EBF1: variants seen among roughly 807,000 people sequenced by gnomAD.
The protein encoded by EBF1 is EBF transcription factor 1, also known as transcription factor COE1.
EBF1 carries 10 observed loss-of-function variants against 68.4 expected under a neutral mutation model. That is an observed-to-expected ratio of 0.15 (90% CI 0.09 to 0.25). The LOEUF (loss-of-function observed/expected upper bound fraction) is 0.25, where lower values mean the gene tolerates loss of function less well. Ranked by LOEUF, EBF1 falls within the 10% of genes least tolerant of loss-of-function variation. The pLI, the probability that EBF1 is intolerant of heterozygous loss-of-function variation, is 1.00. For synonymous variants in EBF1, 298 were observed against 299.8 expected (o/e 0.99, Z 0.06); for missense variants, 509 against 794.4 (o/e 0.64, Z 4.32).
intron 7 of EBF1, among the ~76,000 whole-genome samples, chr5:158,831,754 G>A (rs1417606748): frequency 3.3e-5 from 5 of 152,080 alleles, no homozygotes; most frequent in African/African-American, 9.7e-5. Flanking sequence ...CACCTGCCTC[G>A]TACTCCCAAA....
intron 6 of EBF1, among the ~76,000 whole-genome samples, chr5:158,934,089 T>A (rs1811463104): frequency 6.6e-6 from 1 of 152,200 alleles, no homozygotes; most frequent in Non-Finnish European, 1.5e-5. Flanking sequence ...ACCATGCCCA[T>A]TACACACAGG....
chr5:158,862,920 C>A (rs1795214534), intron 6 of EBF1, among the ~76,000 whole-genome samples: 1 of 152,184 alleles, frequency 6.6e-6, no homozygotes, highest in Non-Finnish European at 1.5e-5. Flanking sequence ...CGATTGAATT[C>A]TACAGACCCT....
intron 6 of EBF1, among the ~76,000 whole-genome samples, chr5:158,932,849 A>G (rs1811178117): frequency 6.6e-6 from 1 of 152,220 alleles, no homozygotes; most frequent in Non-Finnish European, 1.5e-5. Context: ...CAGTTTGTAT[A>G]AAGTTGCCTG....
intron 1 of EBF1, chr5:159,097,734 A>T (rs1302395066): frequency 4.3e-6 from 1 of 233,396 alleles, no homozygotes; most frequent in Non-Finnish European, 8.5e-6. Flanking sequence ...GTCGCTGTGA[A>T]AAAGGGAAGA....
rs574104675 is a variant in EBF1 at position 158,714,244 on chromosome 5, A to G, written c.1126-62T>C. On this transcript the variant is annotated intron_variant, in intron 11 of 15. Transcript: ENST00000313708. ...AGGCAGGTTGTCGTTATCTTTTGACATGATCACATTCCAGTCCCTCTGGCC... is the reference window on the plus strand; with the variant it reads ...AGGCAGGTTGTCGTTATCTTTTGACGTGATCACATTCCAGTCCCTCTGGCC... 9 of 1,580,954 alleles carry G rather than the reference A, an allele frequency of 5.7e-6. No homozygotes were observed. In the African/African-American group the frequency reaches 1.1e-4, roughly 19 times the overall value.
At chr5:159,027,795 C>A (rs1419004556) in intron 6 of EBF1, among the ~76,000 whole-genome samples, 1 of 152,156 alleles carries the variant, frequency 6.6e-6, no homozygotes, top group Non-Finnish European at 1.5e-5. Flanking sequence ...TCCAGCCTTC[C>A]AACAACTGTC....
chr5:158,953,226 T>A (rs1816412529), intron 6 of EBF1, among the ~76,000 whole-genome samples: 1 of 152,230 alleles, frequency 6.6e-6, no homozygotes, highest in African/African-American at 2.4e-5. Flanking sequence ...CTGCTTTAAT[T>A]GTGTGTTTAC....
intron 6 of EBF1, among the ~76,000 whole-genome samples, chr5:158,965,954 C>T (rs1040836031): frequency 2.0e-5 from 3 of 152,146 alleles, no homozygotes; most frequent in Non-Finnish European, 4.4e-5. Context: ...CCTAATGGTG[C>T]TGCAAAACCT....
intron 6 of EBF1, among the ~76,000 whole-genome samples, chr5:158,848,698 G>C (rs1374985655): frequency 6.6e-6 from 1 of 152,230 alleles, no homozygotes; most frequent in East Asian, 1.9e-4. Flanking sequence ...GCCAGGGGTT[G>C]AAAATGAAAG....
intron 10 of EBF1, among the ~76,000 whole-genome samples, chr5:158,755,751 G>A (rs1051673243): frequency 6.6e-6 from 1 of 152,184 alleles, no homozygotes; most frequent in African/African-American, 2.4e-5. Context: ...AGGGAGAGGG[G>A]CTTCATGGAA....
intron 6 of EBF1, among the ~76,000 whole-genome samples, chr5:159,042,622 G>A (rs1053862116): frequency 7.9e-5 from 12 of 151,818 alleles, no homozygotes; most frequent in Non-Finnish European, 1.3e-4. Flanking sequence ...ATGTGTGTGT[G>A]TATGTTTTGG....
chr5:158,911,735 G>T (rs1806022974), intron 6 of EBF1, among the ~76,000 whole-genome samples: 1 of 152,200 alleles, frequency 6.6e-6, no homozygotes, highest in Admixed American at 6.5e-5. Flanking sequence ...CACCACTCCT[G>T]TTATGATCCT....
chr5:158,756,990 A>AG (rs1270423769), intron 10 of EBF1, among the ~76,000 whole-genome samples: 2 of 151,780 alleles, frequency 1.3e-5, no homozygotes, highest in Admixed American at 1.3e-4. Context: ...AAAAAAAAAA[A>AG]AAAGAAAAAG....
intron 6 of EBF1, among the ~76,000 whole-genome samples, chr5:158,917,750 G>A (rs1047249060): frequency 1.1e-4 from 16 of 152,186 alleles, no homozygotes; most frequent in African/African-American, 3.6e-4. Context: ...AAGTCACAGC[G>A]AGTCTGTGAA....
intron 6 of EBF1, among the ~76,000 whole-genome samples, chr5:159,005,310 T>C (rs1763335930): frequency 6.6e-6 from 1 of 152,230 alleles, no homozygotes; most frequent in Admixed American, 6.5e-5. Context: ...AAGTATGTGG[T>C]CTTCCCCTAA....
chr5:159,023,693 G>A (rs1285767926), intron 6 of EBF1, among the ~76,000 whole-genome samples: 2 of 152,156 alleles, frequency 1.3e-5, no homozygotes, highest in African/African-American at 4.8e-5. Context: ...AATTCTAGCA[G>A]CTAGTTTTCC....
rs1170087483 is a variant in EBF1, at chr5:158,776,636, G to A, written c.1036+777C>T. Among the ~76,000 whole-genome samples the A allele has an allele frequency of 7.9e-5, 12 of 152,116 alleles. 1 individual carries two copies. Among genetic ancestry groups the A allele is most frequent in the East Asian group, 7.7e-4 (4 of 5,190 alleles). On this transcript the variant is annotated intron_variant, in intron 10 of 15. Transcript: ENST00000313708. Reference sequence around the variant, plus strand: ...GACACTAAGCAGAGGGCCCAGAACCGCACTCCACCTGTGGTTCTTTGAGCA... The same window carrying A: ...GACACTAAGCAGAGGGCCCAGAACCACACTCCACCTGTGGTTCTTTGAGCA...
At chr5:158,912,317 T>C (rs1281145555) in intron 6 of EBF1, among the ~76,000 whole-genome samples, 1 of 152,234 alleles carries the variant, frequency 6.6e-6, no homozygotes, top group Non-Finnish European at 1.5e-5. Flanking sequence ...ATGCTTAGAA[T>C]TCCTATAATC....
intron 14 of EBF1, among the ~76,000 whole-genome samples, chr5:158,709,380 G>C (rs1213201713): frequency 2.0e-5 from 3 of 151,880 alleles, no homozygotes; most frequent in Admixed American, 6.6e-5. Flanking sequence ...TCAGAAAGTA[G>C]TGTAGCAGCT....
Sources: allele counts gnomAD v4.1 joint callset (sites outside exome capture counted in the v4.1 genomes callset), GRCh38; gene constraint gnomAD v4.1.1; transcripts MANE v1.5; gene names NCBI Gene and HGNC (gene_info 2026-07-23, HGNC 2026-07-21).